PRKD1: variants seen among roughly 807,000 people sequenced by gnomAD.
PRKD1 encodes the protein serine/threonine-protein kinase D1.
Under a neutral mutation model 95.9 loss-of-function variants are expected in PRKD1, and 63 were observed. The ratio of observed to expected loss-of-function variants is 0.66; its 90% CI spans 0.54 to 0.81. The LOEUF (loss-of-function observed/expected upper bound fraction) is 0.81. PRKD1 is among the 30% of genes least tolerant of loss of function. The pLI is 0.00. For synonymous variants in PRKD1, 425 were observed against 423.1 expected (o/e 1.00, Z -0.05); for missense variants, 1,048 against 1,165.3 (o/e 0.90, Z 1.47).
intron 4 of PRKD1, among the ~76,000 whole-genome samples, chr14:29,650,142 C>G (rs554800696): frequency 6.6e-6 from 1 of 152,172 alleles, no homozygotes; most frequent in East Asian, 1.9e-4. Flanking sequence ...GAGCCACTCT[C>G]GTGTCCTGTC....
chr14:29,727,279 T>C (rs1161283720), intron 1 of PRKD1, among the ~76,000 whole-genome samples: 1 of 152,218 alleles, frequency 6.6e-6, no homozygotes, highest in Non-Finnish European at 1.5e-5. Flanking sequence ...GAGTTCATTG[T>C]ATATTCCGGA....
At chr14:29,823,856 A>G (rs539641368) in intron 1 of PRKD1, among the ~76,000 whole-genome samples, 2 of 152,354 alleles carry the variant, frequency 1.3e-5, no homozygotes, top group African/African-American at 2.4e-5. Context: ...GAAGTCGAAG[A>G]AACAGGAGCT....
chr14:29,757,659 A>G (rs962411968), intron 1 of PRKD1, among the ~76,000 whole-genome samples: 1 of 151,832 alleles, frequency 6.6e-6, no homozygotes, highest in Admixed American at 6.6e-5. Context: ...GTTTTTAAAA[A>G]TAAACCAATT....
intron 1 of PRKD1, among the ~76,000 whole-genome samples, chr14:29,763,125 TAAAAA>T (rs36087571): frequency 1.5e-5 from 1 of 64,796 alleles, no homozygotes. Context: ...TCTCTAAAAT[TAAAAA>T]AAAAAAAAAA....
At chr14:29,773,026 CT>C (rs1888579238) in intron 1 of PRKD1, among the ~76,000 whole-genome samples, 1 of 151,992 alleles carries the variant, frequency 6.6e-6, no homozygotes, top group African/African-American at 2.4e-5. Context: ...TTTCTTAGTT[CT>C]TAAATTTTCC....
At chr14:29,700,208 A>T in intron 2 of PRKD1, among the ~76,000 whole-genome samples, 1 of 152,160 alleles carries the variant, frequency 6.6e-6, no homozygotes. Flanking sequence ...ATACATAATT[A>T]AAAATGCAAT....
Position 29,686,279 on chromosome 14 carries a change from G to A in PRKD1, c.404-20071C>T, listed in dbSNP as rs566512580. 1.2e-4 allele frequency among the ~76,000 whole-genome samples: 18 copies of A among 152,196 alleles called. No individual in the cohort carries two copies. The South Asian group carries it at 1.2e-3, about 11-fold the overall frequency. ...TGCCCGATTCTGACTGGATGGACTC[G>A]CGAGCACCAGGATCCTCAAACAAGG... On this transcript the variant is annotated intron_variant, in intron 2 of 17. Coordinates refer to ENST00000331968, the MANE Select transcript of PRKD1 (RefSeq NM_002742.3).
intron 4 of PRKD1, among the ~76,000 whole-genome samples, chr14:29,660,369 TC>T (rs1343886169): frequency 6.6e-6 from 1 of 152,198 alleles, no homozygotes; most frequent in Non-Finnish European, 1.5e-5. Flanking sequence ...TCTGGTTTGT[TC>T]TACATCAGGG....
chr14:29,667,228 A>G (rs1200214518), intron 2 of PRKD1, among the ~76,000 whole-genome samples: 1 of 152,142 alleles, frequency 6.6e-6, no homozygotes, highest in Admixed American at 6.6e-5. Flanking sequence ...TGACATCTCA[A>G]TAAGCACGAG....
At chr14:29,675,178 C>T (rs531637126) in intron 2 of PRKD1, among the ~76,000 whole-genome samples, 1 of 152,106 alleles carries the variant, frequency 6.6e-6, no homozygotes, top group Non-Finnish European at 1.5e-5. Context: ...TTCATGAAGC[C>T]GACTGATTCA....
chr14:29,643,017 TA>T (rs1880892333), intron 4 of PRKD1, among the ~76,000 whole-genome samples: 1 of 152,114 alleles, frequency 6.6e-6, no homozygotes, highest in South Asian at 2.1e-4. Flanking sequence ...GCTCAAAACT[TA>T]AAGAGCACAT....
chr14:29,725,692 A>G lies in PRKD1; in HGVS notation c.265-18T>C. Reference sequence around the variant, plus strand: ...TCAGGGAACTGCAAATACAAATACCATGAGAGTGTAAATGTCAAAATCCTT... The same window carrying G: ...TCAGGGAACTGCAAATACAAATACCGTGAGAGTGTAAATGTCAAAATCCTT... On this transcript the variant is annotated intron_variant, in intron 1 of 17. Coordinates refer to ENST00000331968, the MANE Select transcript of PRKD1 (RefSeq NM_002742.3). 10 of 1,609,156 alleles carry G rather than the reference A, an allele frequency of 6.2e-6. No homozygotes were observed. Among genetic ancestry groups the G allele is most frequent in the Non-Finnish European group, 7.6e-6 (9 of 1,177,434 alleles).
intron 7 of PRKD1, among the ~76,000 whole-genome samples, chr14:29,635,131 T>C (rs568946139): frequency 6.6e-4 from 100 of 152,340 alleles, no homozygotes; most frequent in Admixed American, 1.6e-3. Flanking sequence ...GGTAGAGTAC[T>C]TCTTAGTCTA....
chr14:29,788,612 C>A (rs1313921000), intron 1 of PRKD1, among the ~76,000 whole-genome samples: 1 of 151,968 alleles, frequency 6.6e-6, no homozygotes, highest in African/African-American at 2.4e-5. Flanking sequence ...CTTCTTTTTT[C>A]TTTTCTTAAT....
At position 29,716,303 on chromosome 14, in the gene PRKD1, A is replaced by C. The variant is rs76956522; in HGVS notation, c.403+9233T>G. Among the ~76,000 whole-genome samples the C allele has an allele frequency of 5.6e-4, 86 of 152,286 alleles. 1 individual carries two copies. The highest frequency in any genetic ancestry group is 2.0e-3 in the African/African-American group (82 of 41,582). ...TTCTGTGTGAAGAGAGAAGCTTGAT[A>C]TGTCCTTCCATGAAAACCACGGTAT... On this transcript the variant is annotated intron_variant, in intron 2 of 17. Coordinates refer to ENST00000331968, the MANE Select transcript of PRKD1 (RefSeq NM_002742.3).
chr14:29,778,620 A>C (rs1402423683), intron 1 of PRKD1, among the ~76,000 whole-genome samples: 3 of 152,206 alleles, frequency 2.0e-5, no homozygotes, highest in African/African-American at 7.2e-5. Context: ...GACAAATAAC[A>C]GGCTCTGAAA....
At chr14:29,693,218 T>C (rs981222045) in intron 2 of PRKD1, among the ~76,000 whole-genome samples, 1 of 152,152 alleles carries the variant, frequency 6.6e-6, no homozygotes, top group African/African-American at 2.4e-5. Flanking sequence ...CAGTTTAATG[T>C]TGATATTCAG....
chr14:29,845,881 C>T (rs773334728), intron 1 of PRKD1, among the ~76,000 whole-genome samples: 17 of 152,020 alleles, frequency 1.1e-4, no homozygotes, highest in Non-Finnish European at 1.3e-4. Flanking sequence ...CAACTGGAGG[C>T]CCAGTATGTT....
chr14:29,911,850 C>G (rs1594622414), intron 1 of PRKD1, among the ~76,000 whole-genome samples: 2 of 152,180 alleles, frequency 1.3e-5, no homozygotes, highest in East Asian at 3.8e-4. Context: ...CTTTTCTAGC[C>G]TTTTGCAGCT....
Sources: gnomAD v4.1 joint callset for allele counts (sites outside exome capture counted in the v4.1 genomes callset) on GRCh38, gnomAD v4.1.1 for gene constraint, MANE v1.5 for transcripts, NCBI Gene and HGNC (gene_info 2026-07-23, HGNC 2026-07-21) for gene names.